OSBPL6: variants seen among roughly 807,000 people sequenced by gnomAD.
The protein encoded by OSBPL6 is oxysterol-binding protein-related protein 6.
A neutral mutation model predicts 125.8 loss-of-function variants in OSBPL6; 49 were observed. The ratio of observed to expected loss-of-function variants is 0.39; its 90% CI spans 0.31 to 0.49. The LOEUF (loss-of-function observed/expected upper bound fraction) is 0.49, where lower values mean the gene tolerates loss of function less well. OSBPL6 is among the 20% of genes least tolerant of loss of function. The pLI is 0.88. For synonymous variants in OSBPL6, 394 were observed against 391.8 expected (o/e 1.01, Z -0.07); for missense variants, 986 against 1,135.4 (o/e 0.87, Z 1.89).
intron 18 of OSBPL6, among the ~76,000 whole-genome samples, chr2:178,384,935 G>T (rs774950356): frequency 1.5e-4 from 23 of 151,972 alleles, no homozygotes; most frequent in Admixed American, 2.6e-4. Flanking sequence ...GGAGGCAGGT[G>T]GTCCTGAGAT....
chr2:178,331,997 T>C (rs561186370), intron 6 of OSBPL6, among the ~76,000 whole-genome samples: 6 of 152,360 alleles, frequency 3.9e-5, no homozygotes, highest in Non-Finnish European at 8.8e-5. Context: ...TCATACATCT[T>C]TTTATCTTGG....
At chr2:178,241,641 C>A (rs955323581) in intron 1 of OSBPL6, among the ~76,000 whole-genome samples, 1 of 152,064 alleles carries the variant, frequency 6.6e-6, no homozygotes, top group African/African-American at 2.4e-5. Context: ...GTCTTGAACT[C>A]CTGACCTCAA....
chr2:178,379,275 GAAAGAAAGA>G (rs1203911159), intron 15 of OSBPL6, among the ~76,000 whole-genome samples: 1 of 130,900 alleles, frequency 7.6e-6, no homozygotes, highest in African/African-American at 2.8e-5. Context: ...GAAAGAGAAA[GAAAGAAAGA>G]AAAGAAAGAA....
At chr2:178,325,642 T>G (rs1396567474) in intron 4 of OSBPL6, among the ~76,000 whole-genome samples, 3 of 152,250 alleles carry the variant, frequency 2.0e-5, no homozygotes, top group Non-Finnish European at 4.4e-5. Flanking sequence ...CTAAAATTTA[T>G]TGAGCACCTA....
chr2:178,358,111 T>C (rs1408341193), intron 12 of OSBPL6, among the ~76,000 whole-genome samples: 1 of 152,080 alleles, frequency 6.6e-6, no homozygotes, highest in African/African-American at 2.4e-5. Flanking sequence ...AGGGATAGCA[T>C]TAGGAGAAAT....
At chr2:178,255,072 G>A (rs2091836452) in intron 1 of OSBPL6, among the ~76,000 whole-genome samples, 1 of 152,234 alleles carries the variant, frequency 6.6e-6, no homozygotes, top group African/African-American at 2.4e-5. Context: ...GGGAGGCCAA[G>A]GTGGGCAGAT....
intron 1 of OSBPL6, among the ~76,000 whole-genome samples, chr2:178,251,419 CTG>C (rs2091690196): frequency 7.1e-6 from 1 of 140,684 alleles, no homozygotes; most frequent in Non-Finnish European, 1.5e-5. Context: ...GTTTAATTTT[CTG>C]TGGCATAAAA....
intron 2 of OSBPL6, among the ~76,000 whole-genome samples, chr2:178,305,788 A>C (rs779820065): frequency 1.3e-5 from 2 of 151,842 alleles, no homozygotes; most frequent in Non-Finnish European, 2.9e-5. Context: ...AAGAAAATGC[A>C]AGAGGAGAGA....
intron 1 of OSBPL6, among the ~76,000 whole-genome samples, chr2:178,199,770 CT>C (rs1274912779): frequency 6.6e-6 from 1 of 152,148 alleles, no homozygotes; most frequent in African/African-American, 2.4e-5. Context: ...TAAAATTACA[CT>C]GTACATTGTT....
chr2:178,341,386 C>A (rs956793777), intron 11 of OSBPL6, among the ~76,000 whole-genome samples: 28 of 150,432 alleles, frequency 1.9e-4, no homozygotes, highest in African/African-American at 5.6e-4. Context: ...GACTATACCA[C>A]CTAGCCTCTC....
intron 1 of OSBPL6, among the ~76,000 whole-genome samples, chr2:178,232,459 G>C (rs981330759): frequency 3.9e-5 from 6 of 152,068 alleles, no homozygotes; most frequent in African/African-American, 1.2e-4. Context: ...GCATGATCTT[G>C]GATAAGCTAT....
chr2:178,386,730 C>T (rs1694968565), intron 19 of OSBPL6, among the ~76,000 whole-genome samples: 1 of 151,718 alleles, frequency 6.6e-6, no homozygotes, highest in Non-Finnish European at 1.5e-5. Flanking sequence ...CACAGACACA[C>T]ACACACACAC....
chr2:178,267,353 C>CAAAAAAAAAAAAAAAAA (rs57444695), intron 1 of OSBPL6, among the ~76,000 whole-genome samples: 1 of 81,756 alleles, frequency 1.2e-5, no homozygotes, highest in Non-Finnish European at 2.3e-5. Context: ...AACTCCATCT[C>CAAAAAAAAAAAAAAAAA]AAAAAAAAAA....
intron 3 of OSBPL6, among the ~76,000 whole-genome samples, chr2:178,313,688 T>TGAA (rs1320602133): frequency 6.6e-6 from 1 of 152,264 alleles, no homozygotes; most frequent in Non-Finnish European, 1.5e-5. Flanking sequence ...ATGGTCCATC[T>TGAA]TTTAACAACT....
At chr2:178,220,584 G>A (rs887773552) in intron 1 of OSBPL6, among the ~76,000 whole-genome samples, 19 of 152,164 alleles carry the variant, frequency 1.2e-4, no homozygotes, top group Admixed American at 3.9e-4. Flanking sequence ...GGGATTACAG[G>A]CATGAGCCAC....
intron 1 of OSBPL6, among the ~76,000 whole-genome samples, chr2:178,246,154 A>G (rs1400333997): frequency 1.3e-5 from 2 of 151,718 alleles, no homozygotes; most frequent in Non-Finnish European, 2.9e-5. Context: ...CTTTCATGTC[A>G]CCATTCTCTG....
intron 3 of OSBPL6, among the ~76,000 whole-genome samples, chr2:178,312,061 A>T (rs1298951004): frequency 6.6e-6 from 1 of 151,788 alleles, no homozygotes; most frequent in Non-Finnish European, 1.5e-5. Flanking sequence ...AGCTCACTGG[A>T]GCCTTTGCCA....
chr2:178,401,381 TA>T lies in OSBPL6; in HGVS notation c.*5825del, dbSNP rs1696100931. 1.3e-5 allele frequency: 2 copies of T among 152,216 alleles called. No individual in the cohort carries two copies. Among genetic ancestry groups the T allele is most frequent in the Non-Finnish European group, 2.9e-5 (2 of 68,042 alleles). The allele number at this position is 152,216 out of a possible 1,614,324, so 9.4% of individuals were successfully genotyped here. A position where few individuals can be genotyped will look rare whatever the true frequency, so the allele number is the denominator to read the frequency against. On this transcript the variant is annotated 3_prime_UTR_variant, in exon 25 of 25. Coordinates refer to ENST00000190611, the MANE Select transcript of OSBPL6 (RefSeq NM_032523.4). Reference sequence around the variant, plus strand: ...TCTCCCCATCTGGAAACAAAGTTACTAAACCTAGTTTTGAAAAAGCAATGGA... The same window carrying T: ...TCTCCCCATCTGGAAACAAAGTTACTAACCTAGTTTTGAAAAAGCAATGGA...
At chr2:178,277,381 T>A (rs1182711001) in intron 1 of OSBPL6, among the ~76,000 whole-genome samples, 1 of 152,206 alleles carries the variant, frequency 6.6e-6, no homozygotes, top group Non-Finnish European at 1.5e-5. Context: ...CAATACTCTT[T>A]AATTTGGGGG....
Sources: gnomAD v4.1 joint callset for allele counts (sites outside exome capture counted in the v4.1 genomes callset) on GRCh38, gnomAD v4.1.1 for gene constraint, MANE v1.5 for transcripts, NCBI Gene and HGNC (gene_info 2026-07-23, HGNC 2026-07-21) for gene names.